The following PCDHGA1 variants were observed in gnomAD, a reference collection of about 807,000 sequenced individuals.
PCDHGA1 encodes the protein protocadherin gamma subfamily A, 1.
In PCDHGA1, 32 loss-of-function variants were observed where a neutral mutation model predicts 58.0. That is an observed-to-expected ratio of 0.55 (90% confidence interval 0.42 to 0.74). The LOEUF (loss-of-function observed/expected upper bound fraction) is 0.74, where lower values mean the gene tolerates loss of function less well. PCDHGA1 is among the 30% of genes least tolerant of loss of function. The pLI is 0.00. For synonymous variants in PCDHGA1, 498 were observed against 501.1 expected, an observed-to-expected ratio of 0.99 and a Z score of 0.08; for missense variants, 1,205 against 1,182.3, an observed-to-expected ratio of 1.02 and a Z score of -0.28.
At chr5:141,450,727 T>G (rs1592137328) in intron 1 of PCDHGA1, among the ~76,000 whole-genome samples, 1 of 152,080 alleles carries the variant, frequency 6.6e-6, no homozygotes, top group Non-Finnish European at 1.5e-5. Flanking sequence ...CCTCAGGTGA[T>G]CCGCCCGCCT....
chr5:141,465,021 C>A (rs974818222), intron 1 of PCDHGA1, among the ~76,000 whole-genome samples: 1 of 152,100 alleles, frequency 6.6e-6, no homozygotes, highest in Non-Finnish European at 1.5e-5. Flanking sequence ...AGATTACAGC[C>A]ATGAACCACC....
At chr5:141,339,405 C>G in intron 1 of PCDHGA1, 1 of 1,614,212 alleles carries the variant, frequency 6.2e-7, no homozygotes, top group Non-Finnish European at 8.5e-7. Context: ...ATCAGTGAAA[C>G]CACTACGCCA....
chr5:141,487,689 A>G lies in PCDHGA1; in HGVS notation c.2422-7118A>G. 6.2e-7 allele frequency: 1 copy of G among 1,605,144 alleles called. No homozygotes were observed. The highest frequency in any genetic ancestry group is 1.7e-4 in the Middle Eastern group (1 of 6,050). ...GGCATATGGCTAGGCCATGTCCTAG[A>G]GAGTACTGGCCTCTCAGTAAGTGCC... On this transcript the variant is annotated intron_variant, in intron 1 of 3. Coordinates refer to ENST00000517417, the MANE Select transcript of PCDHGA1 (RefSeq NM_018912.3). This position sits in a 1 kb window ranked among gnomAD's most constrained non-coding sequence, Gnocchi z 5.0.
intron 1 of PCDHGA1, chr5:141,440,652 C>T (rs755275974): frequency 6.6e-6 from 1 of 152,160 alleles, no homozygotes; most frequent in Non-Finnish European, 1.5e-5. Flanking sequence ...AAAATTATCA[C>T]CTTAGCAGCA....
At chr5:141,404,252 A>G (rs2094504105) in intron 1 of PCDHGA1, 8 of 1,613,986 alleles carry the variant, frequency 5.0e-6, no homozygotes, top group South Asian at 1.1e-5. Context: ...GCCCCTGTCC[A>G]CAGAAATTCA....
intron 1 of PCDHGA1, among the ~76,000 whole-genome samples, chr5:141,444,242 G>A (rs964582042): frequency 7.5e-6 from 1 of 133,896 alleles, no homozygotes; most frequent in Non-Finnish European, 1.5e-5. Flanking sequence ...CATGCTCTCG[G>A]CTCACTGCAA....
At chr5:141,382,649 T>C (rs1778342764) in intron 1 of PCDHGA1, 5 of 404,024 alleles carry the variant, frequency 1.2e-5, no homozygotes, top group Admixed American at 8.0e-5. Flanking sequence ...AGTAACTTAG[T>C]AAGGACTCAC....
At chr5:141,342,362 A>T (rs1757151315) in intron 1 of PCDHGA1, 1 of 152,022 alleles carries the variant, frequency 6.6e-6, no homozygotes, top group African/African-American at 2.4e-5. Flanking sequence ...CTCTTCCTAT[A>T]TTGGCTTTTA....
At chr5:141,350,682 A>T (rs758070807) in intron 1 of PCDHGA1, 17 of 1,613,888 alleles carry the variant, frequency 1.1e-5, no homozygotes, top group Non-Finnish European at 1.4e-5. Context: ...GAAATTTGTG[A>T]GTCAGCCTTA....
intron 1 of PCDHGA1, chr5:141,344,532 C>A: frequency 6.2e-7 from 1 of 1,614,028 alleles, no homozygotes; most frequent in Non-Finnish European, 8.5e-7. Context: ...CATTAACTCC[C>A]TGCAGAACTA....
intron 1 of PCDHGA1, chr5:141,414,452 T>C (rs767824112): frequency 6.2e-7 from 1 of 1,613,886 alleles, no homozygotes. Flanking sequence ...AATATCACAG[T>C]GACAGCCACA....
At chr5:141,348,345 G>A (rs1309569238) in intron 1 of PCDHGA1, among the ~76,000 whole-genome samples, 4 of 152,162 alleles carry the variant, frequency 2.6e-5, no homozygotes, top group Non-Finnish European at 4.4e-5. Context: ...AGCCAGGGGA[G>A]GACTTCTGAG....
At chr5:141,403,092 A>C in intron 1 of PCDHGA1, 4 of 1,614,086 alleles carry the variant, frequency 2.5e-6, no homozygotes, top group Non-Finnish European at 3.4e-6. Flanking sequence ...ATTGTGGGCA[A>C]CATCTCCAAG....
intron 1 of PCDHGA1, among the ~76,000 whole-genome samples, chr5:141,335,693 A>G (rs1321854701): frequency 6.6e-6 from 1 of 152,184 alleles, no homozygotes; most frequent in African/African-American, 2.4e-5. Context: ...GAACAAGCAG[A>G]CAATCTACAA....
chr5:141,445,814 TA>T (rs1554133713), intron 1 of PCDHGA1, among the ~76,000 whole-genome samples: 1 of 152,182 alleles, frequency 6.6e-6, no homozygotes, highest in Non-Finnish European at 1.5e-5. Context: ...TAGATGAAAC[TA>T]ATAAGGCAGG....
intron 1 of PCDHGA1, chr5:141,352,252 G>T: frequency 6.2e-7 from 1 of 1,614,086 alleles, no homozygotes; most frequent in Non-Finnish European, 8.5e-7. Context: ...CGGATAGCCT[G>T]CAAGAGGTAT....
At position 141,331,358 on chromosome 5, in the gene PCDHGA1, C is replaced by G. The variant is rs1756353576; in HGVS notation, c.674C>G (p.Thr225Ser). The change falls in exon 1 of 4, where the codon ACC becomes AGC. Residue 225 changes from threonine to serine, a missense_variant. Coordinates refer to ENST00000517417, the MANE Select transcript of PCDHGA1 (RefSeq NM_018912.3). ...GGGGGTGAACCAGTCCGTTCAGGGA[C>G]CCTCAGAATTTACATTCAGGTGGTG... ...SDGGEPVRSG[T>S]LRIYIQVVDA... The G allele has an allele frequency of 6.2e-7, 1 of 1,614,066 alleles. No individual in the cohort carries two copies. Among genetic ancestry groups the G allele is most frequent in the Non-Finnish European group, 8.5e-7 (1 of 1,180,054 alleles).
intron 1 of PCDHGA1, chr5:141,395,088 C>T (rs778953049): frequency 4.3e-6 from 7 of 1,614,194 alleles, no homozygotes; most frequent in African/African-American, 1.3e-5. Flanking sequence ...GGAAGTCTCC[C>T]TCACCGCCGA....
chr5:141,340,096 C>T, intron 1 of PCDHGA1: 1 of 1,614,016 alleles, frequency 6.2e-7, no homozygotes, highest in Non-Finnish European at 8.5e-7. Flanking sequence ...ATGATAGAGA[C>T]TCTGGGCAGA....
Sources: allele counts gnomAD v4.1 joint callset (sites outside exome capture counted in the v4.1 genomes callset), GRCh38; gene constraint gnomAD v4.1.1; non-coding constraint Gnocchi (gnomAD v3.1); transcripts MANE v1.5; gene names NCBI Gene and HGNC (gene_info 2026-07-23, HGNC 2026-07-21).